FAM204A: variants seen among roughly 807,000 people sequenced by gnomAD.
The protein encoded by FAM204A is family with sequence similarity 204 member A, also known as protein FAM204A.
Under a neutral mutation model 35.4 loss-of-function variants are expected in FAM204A, and 16 were observed. The ratio of observed to expected loss-of-function variants is 0.45; its 90% CI spans 0.31 to 0.69. FAM204A has a LOEUF of 0.69. FAM204A is among the 30% of genes least tolerant of loss of function. FAM204A has a pLI of 0.07. For missense variants in FAM204A, 240 were observed against 265.7 expected (o/e 0.90, Z 0.67); for synonymous variants, 76 against 86.9 (o/e 0.88, Z 0.70).
At chr10:118,337,218 G>C (rs1217078856) in intron 2 of FAM204A, 4 of 983,252 alleles carry the variant, frequency 4.1e-6, no homozygotes, top group Non-Finnish European at 4.8e-6. Context: ...TAATACTCAA[G>C]TACATACTCA....
At chr10:118,340,325 C>T (rs930204386) in intron 2 of FAM204A, among the ~76,000 whole-genome samples, 1 of 152,154 alleles carries the variant, frequency 6.6e-6, no homozygotes, top group African/African-American at 2.4e-5. Context: ...AAAAAGTCTT[C>T]AAAGTTGGAA....
At position 118,307,671 on chromosome 10, in the gene FAM204A, C is replaced by T. The variant is rs1035637957; in HGVS notation, c.*3186G>A. ...AGTAATGTCTTAACAAAAATTTGGA[C>T]ATTTTATAAATTATATCTTCATTTT... On this transcript the variant is annotated 3_prime_UTR_variant, in exon 9 of 9. Transcript: ENST00000369183. 2.6e-5 allele frequency: 4 copies of T among 152,138 alleles called. No homozygotes were observed. The highest frequency in any genetic ancestry group is 9.7e-5 in the African/African-American group (4 of 41,422). 9.4% of individuals were successfully genotyped at this position (152,138 alleles called of 1,614,324 possible).
intron 7 of FAM204A, among the ~76,000 whole-genome samples, chr10:118,317,036 G>C (rs904161361): frequency 1.4e-4 from 21 of 152,084 alleles, no homozygotes; most frequent in Admixed American, 1.3e-3. Flanking sequence ...AAGAACTGTA[G>C]TACTGTTTTC....
At chr10:118,325,605 C>G (rs1191434957) in intron 7 of FAM204A, among the ~76,000 whole-genome samples, 1 of 152,114 alleles carries the variant, frequency 6.6e-6, no homozygotes. Context: ...CACACCCCAC[C>G]TCCAGGAGTA....
At chr10:118,326,961 T>C (rs1460073253) in intron 6 of FAM204A, among the ~76,000 whole-genome samples, 1 of 152,228 alleles carries the variant, frequency 6.6e-6, no homozygotes, top group African/African-American at 2.4e-5. Flanking sequence ...AATATTTTCA[T>C]GGGATTACCA....
intron 7 of FAM204A, among the ~76,000 whole-genome samples, chr10:118,317,546 C>A (rs1846051026): frequency 6.6e-6 from 1 of 151,908 alleles, no homozygotes; most frequent in Non-Finnish European, 1.5e-5. Flanking sequence ...TTTGAATAAG[C>A]ACACCTAAAA....
At chr10:118,326,446 T>C (rs1232240010) in intron 6 of FAM204A, 20 of 514,844 alleles carry the variant, frequency 3.9e-5, no homozygotes, top group Non-Finnish European at 6.4e-5. Flanking sequence ...ATGTAACTTC[T>C]TGAACTAATA....
Position 118,298,474 on chromosome 10 carries a change from C to A in FAM204A, c.*12383G>T, listed in dbSNP as rs1845773086. 6.6e-6 allele frequency: 1 copy of A among 152,200 alleles called. No individual in the cohort carries two copies. Among genetic ancestry groups the A allele is most frequent in the African/African-American group, 2.4e-5 (1 of 41,456 alleles). 9.4% of individuals were successfully genotyped at this position (152,200 alleles called of 1,614,324 possible). On this transcript the variant is annotated 3_prime_UTR_variant, in exon 9 of 9. Coordinates refer to ENST00000369183, the MANE Select transcript of FAM204A (RefSeq NM_022063.3). ...TTTATGTGTCAGAAAGCGTTCCTTG[C>A]ATAAACAGGTGTTATTTCCATGTAC... is the stretch of plus-strand genomic sequence containing the variant.
chr10:118,331,233 C>A (rs1050547973), intron 6 of FAM204A, among the ~76,000 whole-genome samples: 2 of 152,002 alleles, frequency 1.3e-5, no homozygotes, highest in Non-Finnish European at 2.9e-5. Context: ...TCAAGAGTAG[C>A]CTTTATTTGA....
Position 118,303,180 on chromosome 10 carries a change from G to T in FAM204A, c.*7677C>A, listed in dbSNP as rs1164174128. The T allele has an allele frequency of 6.6e-6, 1 of 152,196 alleles. No individual in the cohort carries two copies. The highest frequency in any genetic ancestry group is 1.5e-5 in the Non-Finnish European group (1 of 68,050). 9.4% of individuals were successfully genotyped at this position (152,196 alleles called of 1,614,324 possible). A position where few individuals can be genotyped will look rare whatever the true frequency, so the allele number is the denominator to read the frequency against. ...TAAAAAACAAGTATAATGTGTCTTT[G>T]GCTTTCTTAGAGGAATAGTGCAAGA... On this transcript the variant is annotated 3_prime_UTR_variant, in exon 9 of 9. Transcript: ENST00000369183.
rs1261161555 is a variant in FAM204A at position 118,305,298 on chromosome 10, G to A, written c.*5559C>T. 1 of 152,164 alleles carries A rather than the reference G, an allele frequency of 6.6e-6. No homozygotes were observed. Among genetic ancestry groups the A allele is most frequent in the African/African-American group, 2.4e-5 (1 of 41,440 alleles). 9.4% of individuals were successfully genotyped at this position (152,164 alleles called of 1,614,324 possible). On this transcript the variant is annotated 3_prime_UTR_variant, in exon 9 of 9. Coordinates refer to ENST00000369183, the MANE Select transcript of FAM204A (RefSeq NM_022063.3). ...TAGTAGGAAGCATTACCCTAACATGGGAAGGTACTGTGGCCCACCCAAGCT... is the reference window on the plus strand; with the variant it reads ...TAGTAGGAAGCATTACCCTAACATGAGAAGGTACTGTGGCCCACCCAAGCT...
intron 7 of FAM204A, among the ~76,000 whole-genome samples, chr10:118,317,605 T>C (rs1846051659): frequency 6.6e-6 from 1 of 152,022 alleles, no homozygotes; most frequent in South Asian, 2.1e-4. Flanking sequence ...ATTTTTCTGA[T>C]ATTAAAATGC....
rs1289442108 is a variant in FAM204A, at chr10:118,301,943, C to T, written c.*8914G>A. Reference sequence around the variant, plus strand: ...GCATCAGCAACACACCTGCCTCCGTCCTTTTTCTCCAAAGTTTATCACCAT... The same window carrying T: ...GCATCAGCAACACACCTGCCTCCGTTCTTTTTCTCCAAAGTTTATCACCAT... On this transcript the variant is annotated 3_prime_UTR_variant, in exon 9 of 9. Transcript: ENST00000369183. 1 of 152,620 alleles carries T rather than the reference C, an allele frequency of 6.6e-6. No homozygotes were observed. The highest frequency in any genetic ancestry group is 1.5e-5 in the Non-Finnish European group (1 of 68,060). The allele number at this position is 152,620 out of a possible 1,614,324, so 9.5% of individuals were successfully genotyped here.
chr10:118,330,561 T>C lies in FAM204A; in HGVS notation c.454-4318A>G, dbSNP rs144640632. Reference sequence around the variant, plus strand: ...GACTGGCTTGAATGAGTAACCCTCCTAGAAATAAAAATTCTAGGTTTCTAT... The same window carrying C: ...GACTGGCTTGAATGAGTAACCCTCCCAGAAATAAAAATTCTAGGTTTCTAT... On this transcript the variant is annotated intron_variant, in intron 6 of 8. Coordinates refer to ENST00000369183, the MANE Select transcript of FAM204A (RefSeq NM_022063.3). Among the ~76,000 whole-genome samples the C allele has an allele frequency of 4.9e-4, 75 of 152,320 alleles. 1 individual carries two copies. The East Asian group carries it at 0.013, about 27-fold the overall frequency.
intron 7 of FAM204A, among the ~76,000 whole-genome samples, chr10:118,324,797 C>T (rs1330519905): frequency 3.3e-5 from 5 of 151,892 alleles, no homozygotes; most frequent in African/African-American, 9.7e-5. Flanking sequence ...TTAATTCTAC[C>T]GAACTGCACA....
intron 7 of FAM204A, 53 bp downstream of exon 7, chr10:118,326,101 A>AT: frequency 2.1e-6 from 3 of 1,395,792 alleles, no homozygotes; most frequent in Non-Finnish European, 3.0e-6. Context: ...AAGAATACAA[A>AT]TTTATTCTAG....
chr10:118,323,586 A>T (rs937408067), intron 7 of FAM204A, among the ~76,000 whole-genome samples: 23 of 152,126 alleles, frequency 1.5e-4, no homozygotes, highest in African/African-American at 5.3e-4. Flanking sequence ...AAGCTCCCTT[A>T]AATCTTGAGC....
At position 118,300,506 on chromosome 10, in the gene FAM204A, G is replaced by C. The variant is rs1393444425; in HGVS notation, c.*10351C>G. ...ATTAGATCATGGTGGTGTAGCCTAG[G>C]GCACTGATTAACATTGGCTGAACAC... On this transcript the variant is annotated 3_prime_UTR_variant, in exon 9 of 9. Coordinates refer to ENST00000369183, the MANE Select transcript of FAM204A (RefSeq NM_022063.3). 1 of 152,094 alleles carries C rather than the reference G, an allele frequency of 6.6e-6. No homozygotes were observed. The highest frequency in any genetic ancestry group is 1.5e-5 in the Non-Finnish European group (1 of 68,028). The allele number at this position is 152,094 out of a possible 1,614,324, so 9.4% of individuals were successfully genotyped here. A position where few individuals can be genotyped will look rare whatever the true frequency, so the allele number is the denominator to read the frequency against.
rs540240856 is a variant in FAM204A, at chr10:118,298,135, G to A, written c.*12722C>T. The A allele has an allele frequency of 2.0e-5, 3 of 152,346 alleles. No individual in the cohort carries two copies. The highest frequency in any genetic ancestry group is 7.2e-5 in the African/African-American group (3 of 41,578). The allele number at this position is 152,346 out of a possible 1,614,324, so 9.4% of individuals were successfully genotyped here. On this transcript the variant is annotated 3_prime_UTR_variant, in exon 9 of 9. Transcript: ENST00000369183. Reference sequence around the variant, plus strand: ...TCCTTTATCTTAAATGTGTGTGGGAGTGAGAGAGCTAACGTTACGTGTGGC... The same window carrying A: ...TCCTTTATCTTAAATGTGTGTGGGAATGAGAGAGCTAACGTTACGTGTGGC...
Sources: allele counts gnomAD v4.1 joint callset (sites outside exome capture counted in the v4.1 genomes callset), GRCh38; gene constraint gnomAD v4.1.1; transcripts MANE v1.5; gene names NCBI Gene and HGNC (gene_info 2026-07-23, HGNC 2026-07-21).